Variants in FBXO5 observed in about 807,000 individuals in gnomAD.
FBXO5 encodes the protein F-box protein 5, also known as F-box only protein 5.
Under a neutral mutation model 43.3 loss-of-function variants are expected in FBXO5, and 8 were observed. That is an observed-to-expected ratio of 0.18 (90% CI 0.11 to 0.33). FBXO5 has a LOEUF of 0.33. Ranked by LOEUF, FBXO5 falls within the 10% of genes least tolerant of loss-of-function variation. The pLI, the probability that FBXO5 is intolerant of heterozygous loss-of-function variation, is 1.00. For missense variants in FBXO5, 491 were observed against 535.7 expected (o/e 0.92, Z 0.82); for synonymous variants, 204 against 193.7 (o/e 1.05, Z -0.44).
intron 2 of FBXO5, chr6:152,973,413 A>T (rs1778116619): frequency 6.0e-6 from 2 of 330,728 alleles, no homozygotes; most frequent in African/African-American, 4.1e-5. Context: ...ATCTGCAAAC[A>T]TCAAATAGTA....
Position 152,975,282 on chromosome 6 carries a change from G to A in FBXO5, c.443C>T (p.Ser148Phe). 1 of 1,614,164 alleles carries A rather than the reference G, an allele frequency of 6.2e-7. No homozygotes were observed. The highest frequency in any genetic ancestry group is 8.5e-7 in the Non-Finnish European group (1 of 1,180,022). Residue 148 changes from serine (S) to phenylalanine (F), a missense_variant, in exon 2 of 5, where the codon TCC (serine) becomes TTC (phenylalanine). Ser to Phe is a radical substitution (Grantham distance 155, BLOSUM62 -2). Transcript: ENST00000229758. ...GAGGCCACTTTGTAGAGAAAATGAG[G>A]AATAGCCACTGTCTTCATAAAGTCT... is the stretch of plus-strand genomic sequence containing the variant. ...TSRLYEDSGY[S>F]SFSLQSGLSE...
rs563158873 is a variant in FBXO5, at chr6:152,980,013, G to A, written c.103+2844C>T. 1.2e-4 allele frequency among the ~76,000 whole-genome samples: 19 copies of A among 152,246 alleles called. No individual in the cohort carries two copies. The South Asian group carries it at 3.7e-3, about 30-fold the overall frequency. The stretch of plus-strand genomic sequence containing the variant: ...TATTTTTCATTTCCATAACAATACT[G>A]CAGAAGAAATAGAATAGCATCATAT... On this transcript the variant is annotated intron_variant, in intron 1 of 4. Coordinates refer to ENST00000229758, the MANE Select transcript of FBXO5 (RefSeq NM_012177.5).
chr6:152,971,160 A>G lies in FBXO5; in HGVS notation c.*3T>C. The G allele has an allele frequency of 1.9e-6, 3 of 1,598,362 alleles. No homozygotes were observed. The stretch of plus-strand genomic sequence containing the variant: ...GATCAGTAACAATTGATTTAATAAG[A>G]GATCACAATCTTCGTAAATTCTTTT... On this transcript the variant is annotated 3_prime_UTR_variant, in exon 5 of 5. Transcript: ENST00000229758.
rs760676012 is a variant in FBXO5 at position 152,982,928 on chromosome 6, C to A, written c.32G>T (p.Arg11Leu). MSRRPCSCAL[R>L]PPRCSCSASP... ...GGCGCTGCAGGAGCAGCGGGGTGGCCGTAGGGCGCAGCTGCAGGGGCGCCG... is the reference window on the plus strand; with the variant it reads ...GGCGCTGCAGGAGCAGCGGGGTGGCAGTAGGGCGCAGCTGCAGGGGCGCCG... The change falls in exon 1 of 5, where the codon CGG becomes CTG. Residue 11 changes from arginine to leucine, a missense_variant. Coordinates refer to ENST00000229758, the MANE Select transcript of FBXO5 (RefSeq NM_012177.5). The A allele has an allele frequency of 3.4e-6, 5 of 1,450,914 alleles. No individual in the cohort carries two copies. The African/African-American group carries it at 7.5e-5, about 22-fold the overall frequency. 89.9% of individuals were successfully genotyped at this position (1,450,914 alleles called of 1,614,324 possible). A position where few individuals can be genotyped will look rare whatever the true frequency, so the allele number is the denominator to read the frequency against.
intron 1 of FBXO5, among the ~76,000 whole-genome samples, chr6:152,979,403 G>A (rs1778228510): frequency 6.6e-6 from 1 of 152,206 alleles, no homozygotes; most frequent in Non-Finnish European, 1.5e-5. Context: ...GTCTGGGGCT[G>A]TGGGTTTTTA....
chr6:152,977,118 G>A (rs1418280267), intron 1 of FBXO5, among the ~76,000 whole-genome samples: 1 of 152,224 alleles, frequency 6.6e-6, no homozygotes, highest in Non-Finnish European at 1.5e-5. Context: ...ACAATGCTGG[G>A]AAGGAATATG....
chr6:152,981,108 T>C (rs1024516305), intron 1 of FBXO5, among the ~76,000 whole-genome samples: 3 of 152,216 alleles, frequency 2.0e-5, no homozygotes, highest in Non-Finnish European at 2.9e-5. Context: ...CAGATCCAAG[T>C]TTGAATGAAA....
chr6:152,972,064 C>T (rs994245888), intron 4 of FBXO5, among the ~76,000 whole-genome samples: 3 of 151,862 alleles, frequency 2.0e-5, no homozygotes, highest in East Asian at 3.9e-4. Flanking sequence ...ACATTGAGAG[C>T]GAAATGAAGA....
At chr6:152,980,674 A>C (rs897138917) in intron 1 of FBXO5, among the ~76,000 whole-genome samples, 2 of 152,210 alleles carry the variant, frequency 1.3e-5, no homozygotes, top group Admixed American at 1.3e-4. Flanking sequence ...AGTGGAAATG[A>C]AAATAACTGC....
chr6:152,978,182 A>C (rs184493521), intron 1 of FBXO5, among the ~76,000 whole-genome samples: 1 of 152,244 alleles, frequency 6.6e-6, no homozygotes, highest in Admixed American at 6.5e-5. Context: ...TTATGTTGCA[A>C]GCGCACTTAA....
At chr6:152,981,865 A>C (rs1334298694) in intron 1 of FBXO5, among the ~76,000 whole-genome samples, 1 of 152,178 alleles carries the variant, frequency 6.6e-6, no homozygotes, top group Admixed American at 6.5e-5. Flanking sequence ...TTCTCAGGTA[A>C]AAATAAGTGC....
chr6:152,975,197 G>A lies in FBXO5; in HGVS notation c.528C>T (p.Cys176=). 1 of 1,614,166 alleles carries A rather than the reference G, an allele frequency of 6.2e-7. No individual in the cohort carries two copies. The highest frequency in any genetic ancestry group is 8.5e-7 in the Non-Finnish European group (1 of 1,180,030). ...GGTCTGGGCTTTGTATTTGTAGCAG[G>A]CAGGATTGTAGACTGTCACCGAAAT... ...EENFGDSLQS[C]LLQIQSPDQY... The change falls in exon 2 of 5, where the codon TGC becomes TGT. Residue 176 remains cysteine, a synonymous_variant. Coordinates refer to ENST00000229758, the MANE Select transcript of FBXO5 (RefSeq NM_012177.5).
chr6:152,977,436 G>C (rs546928828), intron 1 of FBXO5, among the ~76,000 whole-genome samples: 1 of 152,294 alleles, frequency 6.6e-6, no homozygotes, highest in East Asian at 1.9e-4. Flanking sequence ...AAAGTAACTT[G>C]TAGAGAGAAA....
chr6:152,981,252 C>A (rs1444782510), intron 1 of FBXO5, among the ~76,000 whole-genome samples: 1 of 152,178 alleles, frequency 6.6e-6, no homozygotes, highest in Non-Finnish European at 1.5e-5. Context: ...CCAGCCCAGT[C>A]ATATAGAGAA....
In FBXO5 at chr6:152,975,628, AAAG is replaced by A. The variant is rs768547233; in HGVS notation, c.104-10_104-8del. ...GAACTTTCTTCTTTACAACCTATAA[AAAG>A]AACATAACATTTACATCTTAATGGC... On this transcript the variant is annotated splice_region_variant and splice_polypyrimidine_tract_variant and intron_variant, in intron 1 of 4. Coordinates refer to ENST00000229758, the MANE Select transcript of FBXO5 (RefSeq NM_012177.5). The A allele has an allele frequency of 1.9e-5, 30 of 1,552,734 alleles. No individual in the cohort carries two copies. The highest frequency in any genetic ancestry group is 2.5e-5 in the Non-Finnish European group (29 of 1,154,110).
intron 1 of FBXO5, among the ~76,000 whole-genome samples, chr6:152,981,607 G>A (rs1195167387): frequency 2.0e-5 from 3 of 151,046 alleles, no homozygotes; most frequent in Non-Finnish European, 4.4e-5. Context: ...CCAACAGGCA[G>A]TCATTTCTTT....
In FBXO5 at chr6:152,975,558, A is replaced by C. The variant is rs1311830756; in HGVS notation, c.167T>G (p.Val56Gly). 6.2e-7 allele frequency: 1 copy of C among 1,612,024 alleles called. No individual in the cohort carries two copies. Among genetic ancestry groups the C allele is most frequent in the Non-Finnish European group, 8.5e-7 (1 of 1,179,554 alleles). Residue 56 changes from valine (V) to glycine (G), a missense_variant, in exon 2 of 5, where the codon GTT becomes GGT. Physicochemically the swap from Val to Gly is moderately radical, Grantham distance 109 (BLOSUM62 -3). Coordinates refer to ENST00000229758, the MANE Select transcript of FBXO5 (RefSeq NM_012177.5). The part of the protein sequence containing the change: ...KMKCDFNCNH[V>G]HSGLKLVKPD... Reference sequence around the variant, plus strand: ...TTTTACCAGTTTAAGTCCGGAATGAACATGGTTACAATTAAAATCACACTT... The same window carrying C: ...TTTTACCAGTTTAAGTCCGGAATGACCATGGTTACAATTAAAATCACACTT...
intron 1 of FBXO5, 43 bp from the exon 2 acceptor site, chr6:152,975,664 C>A (rs1440144478): frequency 8.0e-7 from 1 of 1,254,028 alleles, no homozygotes; most frequent in South Asian, 1.4e-5. Context: ...GGCAAAATTT[C>A]CACACATCCC....
chr6:152,981,071 T>C (rs1778251560), intron 1 of FBXO5, among the ~76,000 whole-genome samples: 1 of 152,238 alleles, frequency 6.6e-6, no homozygotes, highest in African/African-American at 2.4e-5. Context: ...CACATACTTT[T>C]CCATTAGAAT....
Sources: gnomAD v4.1 joint callset for allele counts (sites outside exome capture counted in the v4.1 genomes callset) on GRCh38, gnomAD v4.1.1 for gene constraint, MANE v1.5 for transcripts, NCBI Gene and HGNC (gene_info 2026-07-23, HGNC 2026-07-21) for gene names.